Variants in EYA2 observed in about 807,000 individuals in gnomAD.
The protein encoded by EYA2 is EYA transcriptional coactivator and phosphatase 2.
In EYA2, 31 loss-of-function variants were observed where a neutral mutation model predicts 69.2. The observed-to-expected ratio is 0.45, with a 90% CI of 0.34 to 0.60. The LOEUF is 0.60. Ranked by LOEUF, EYA2 falls within the 20% of genes least tolerant of loss-of-function variation. The probability of loss-of-function intolerance (pLI) is 0.02; values close to 1 mark genes in which losing one functional copy is unlikely to be tolerated. For synonymous variants in EYA2, 257 were observed against 279.4 expected (o/e 0.92, Z 0.80); for missense variants, 622 against 701.2 (o/e 0.89, Z 1.28).
intron 9 of EYA2, among the ~76,000 whole-genome samples, chr20:47,134,518 T>A (rs2033413409): frequency 6.6e-6 from 1 of 152,152 alleles, no homozygotes; most frequent in African/African-American, 2.4e-5. Flanking sequence ...TTTATTGTTT[T>A]TAATTTTTTT....
chr20:47,008,364 C>A (rs961386845), intron 4 of EYA2, among the ~76,000 whole-genome samples: 2 of 152,166 alleles, frequency 1.3e-5, no homozygotes, highest in Admixed American at 6.5e-5. Flanking sequence ...CTCTGGACCC[C>A]GAGCCCTCAC....
chr20:47,088,746 G>A (rs1264064608), intron 7 of EYA2, among the ~76,000 whole-genome samples: 1 of 152,096 alleles, frequency 6.6e-6, no homozygotes, highest in East Asian at 1.9e-4. Context: ...ACCACCACAC[G>A]AGGTCAACTT....
At chr20:47,119,403 G>A (rs2032987948) in intron 9 of EYA2, among the ~76,000 whole-genome samples, 1 of 152,180 alleles carries the variant, frequency 6.6e-6, no homozygotes, top group Admixed American at 6.5e-5. Context: ...CTAATTCAAA[G>A]CAGAAATATG....
intron 5 of EYA2, among the ~76,000 whole-genome samples, chr20:47,025,917 A>G (rs1342663349): frequency 6.6e-6 from 1 of 152,254 alleles, no homozygotes; most frequent in East Asian, 1.9e-4. Context: ...GTCTTGTCCC[A>G]CAAGTGAGGT....
At chr20:46,978,326 A>G (rs1277114299) in intron 1 of EYA2, 1 of 312,992 alleles carries the variant, frequency 3.2e-6, no homozygotes, top group Non-Finnish European at 6.4e-6. Context: ...TGTTACAGTG[A>G]CTGGTGTGTG....
At chr20:46,990,907 A>G (rs931888888) in intron 2 of EYA2, among the ~76,000 whole-genome samples, 3 of 152,236 alleles carry the variant, frequency 2.0e-5, no homozygotes, top group African/African-American at 4.8e-5. Flanking sequence ...CTAGTGGAAT[A>G]TAACATCACA....
chr20:47,014,680 CTA>C (rs906476673), intron 4 of EYA2, among the ~76,000 whole-genome samples: 30 of 142,176 alleles, frequency 2.1e-4, no homozygotes, highest in Non-Finnish European at 1.7e-4. Flanking sequence ...GGTGTGATGA[CTA>C]TAAGCTGCAG....
At chr20:47,166,727 T>C (rs1223982938) in intron 10 of EYA2, among the ~76,000 whole-genome samples, 1 of 152,114 alleles carries the variant, frequency 6.6e-6, no homozygotes, top group Non-Finnish European at 1.5e-5. Context: ...TTCTCGGTGC[T>C]CTCATGCAGC....
intron 12 of EYA2, among the ~76,000 whole-genome samples, chr20:47,175,399 T>C (rs999281627): frequency 8.5e-5 from 13 of 152,178 alleles, no homozygotes; most frequent in African/African-American, 3.1e-4. Context: ...CCACTTCCCA[T>C]GTAGCTCTGA....
intron 7 of EYA2, among the ~76,000 whole-genome samples, chr20:47,085,311 A>G (rs1004719684): frequency 3.3e-5 from 5 of 152,132 alleles, no homozygotes; most frequent in Admixed American, 3.3e-4. Flanking sequence ...TGGATAAACA[A>G]ATTCTGATGT....
chr20:47,077,607 G>C (rs1026404957), intron 7 of EYA2, among the ~76,000 whole-genome samples: 1 of 152,128 alleles, frequency 6.6e-6, no homozygotes, highest in Non-Finnish European at 1.5e-5. Flanking sequence ...ATTGATTTTA[G>C]CCCTTAAATT....
intron 7 of EYA2, among the ~76,000 whole-genome samples, chr20:47,076,724 C>T (rs969138878): frequency 2.0e-5 from 3 of 152,122 alleles, no homozygotes; most frequent in African/African-American, 7.2e-5. Flanking sequence ...GAGCTAGGTC[C>T]AGGTGTTCCA....
intron 1 of EYA2, among the ~76,000 whole-genome samples, chr20:46,958,203 C>T (rs1979251718): frequency 6.6e-6 from 1 of 152,170 alleles, no homozygotes. Context: ...GCCTGTGTCT[C>T]CCTCTCTGCC....
chr20:46,895,153 G>C (rs1473154805), intron 1 of EYA2, among the ~76,000 whole-genome samples, 166 bp downstream of exon 1: 1 of 152,202 alleles, frequency 6.6e-6, no homozygotes, highest in Admixed American at 6.5e-5. Context: ...CCCAGGGCCA[G>C]GAAGGCACAA....
chr20:46,968,612 G>A (rs1174672977), intron 1 of EYA2, among the ~76,000 whole-genome samples: 1 of 151,944 alleles, frequency 6.6e-6, no homozygotes, highest in African/African-American at 2.4e-5. Context: ...CAGCACTTTT[G>A]ACATTTTGGG....
intron 2 of EYA2, among the ~76,000 whole-genome samples, chr20:46,991,096 G>A (rs778891214): frequency 1.3e-5 from 2 of 152,218 alleles, no homozygotes; most frequent in East Asian, 3.8e-4. Flanking sequence ...CATTCTTCCT[G>A]GCACTTTGGA....
chr20:47,089,463 C>A, intron 8 of EYA2, 82 bp downstream of exon 8: 3 of 1,470,814 alleles, frequency 2.0e-6, no homozygotes, highest in African/African-American at 1.4e-5. Context: ...GAGTTTTCTC[C>A]AAGTACGAGG....
intron 5 of EYA2, among the ~76,000 whole-genome samples, chr20:47,060,504 C>T (rs1194108119): frequency 6.6e-6 from 1 of 152,226 alleles, no homozygotes; most frequent in African/African-American, 2.4e-5. Context: ...TCCAGCATCA[C>T]ATCCTGCAAG....
At chr20:47,163,773 A>G (rs1324682949) in intron 10 of EYA2, among the ~76,000 whole-genome samples, 2 of 151,160 alleles carry the variant, frequency 1.3e-5, no homozygotes, top group African/African-American at 4.9e-5. Context: ...GAATGGATAT[A>G]CCACATTTTA....
Sources: allele counts gnomAD v4.1 joint callset (sites outside exome capture counted in the v4.1 genomes callset), GRCh38; gene constraint gnomAD v4.1.1; transcripts MANE v1.5; gene names NCBI Gene and HGNC (gene_info 2026-07-23, HGNC 2026-07-21).